HSPA4L: variants seen among roughly 807,000 people sequenced by gnomAD.
HSPA4L encodes heat shock protein family A (Hsp70) member 4 like, also known as heat shock 70 kDa protein 4L.
HSPA4L carries 48 observed loss-of-function variants against 100.3 expected under a neutral mutation model. That is an observed-to-expected ratio of 0.48 (90% CI 0.38 to 0.61). The LOEUF is 0.61. HSPA4L is among the 20% of genes least tolerant of loss of function. The pLI is 0.00. For synonymous variants in HSPA4L, 319 were observed against 328.2 expected (o/e 0.97, Z 0.30); for missense variants, 886 against 988.6 (o/e 0.90, Z 1.39).
Position 127,833,938 on chromosome 4 carries a change from G to C in HSPA4L, c.*1064G>C, listed in dbSNP as rs988323698. 9 of 152,192 alleles carry C rather than the reference G, an allele frequency of 5.9e-5. No homozygotes were observed. Among genetic ancestry groups the C allele is most frequent in the African/African-American group, 2.2e-4 (9 of 41,550 alleles). The allele number at this position is 152,192 out of a possible 1,614,324, so 9.4% of individuals were successfully genotyped here. A position where few individuals can be genotyped will look rare whatever the true frequency, so the allele number is the denominator to read the frequency against. Reference sequence around the variant, plus strand: ...AACTTAACTATGTTACATATCAACAGGCAAAAATATAGAATGTTACATAGT... The same window carrying C: ...AACTTAACTATGTTACATATCAACACGCAAAAATATAGAATGTTACATAGT... On this transcript the variant is annotated 3_prime_UTR_variant, in exon 19 of 19. Coordinates refer to ENST00000296464, the MANE Select transcript of HSPA4L (RefSeq NM_014278.4).
At chr4:127,807,903 C>A in intron 10 of HSPA4L, 93 bp from the exon 11 acceptor site, 2 of 1,251,486 alleles carry the variant, frequency 1.6e-6, no homozygotes, top group South Asian at 1.4e-5. Context: ...TTTGCAGTTG[C>A]TGCTAATGAA....
intron 17 of HSPA4L, 90 bp downstream of exon 17, chr4:127,827,514 T>C: frequency 2.8e-6 from 4 of 1,413,446 alleles, no homozygotes; most frequent in Non-Finnish European, 3.9e-6. Flanking sequence ...TACAAAGCTA[T>C]AGCAGTTGTA....
rs752754983 is a variant in HSPA4L, at chr4:127,823,538, G to A, written c.1960G>A (p.Val654Ile). 8.7e-6 allele frequency: 14 copies of A among 1,611,014 alleles called. No individual in the cohort carries two copies. The highest frequency in any genetic ancestry group is 1.0e-5 in the Non-Finnish European group (12 of 1,177,276). The change falls in exon 16 of 19, where the codon GTA becomes ATA. Residue 654 changes from valine (V) to isoleucine (I), a missense_variant. By Grantham distance (29) the Val-to-Ile change is conservative (BLOSUM62 3). Coordinates refer to ENST00000296464, the MANE Select transcript of HSPA4L (RefSeq NM_014278.4). ...CTAGGACTTGAGTAAACTGTCTGCA[G>A]TATTGGAAGACACAGAAAATTGGCT... ...TPEDLSKLSA[V>I]LEDTENWLYE...
rs1734161523 is a variant in HSPA4L, at chr4:127,834,537, T to G, written c.*1663T>G. The G allele has an allele frequency of 6.6e-6, 1 of 152,192 alleles. No individual in the cohort carries two copies. Among genetic ancestry groups the G allele is most frequent in the Non-Finnish European group, 1.5e-5 (1 of 68,004 alleles). 9.4% of individuals were successfully genotyped at this position (152,192 alleles called of 1,614,324 possible). On this transcript the variant is annotated 3_prime_UTR_variant, in exon 19 of 19. Coordinates refer to ENST00000296464, the MANE Select transcript of HSPA4L (RefSeq NM_014278.4). Reference sequence around the variant, plus strand: ...AAAAAATCATATAAACTTAATATATTTTTAAACTCTCCTAGTCTTTAAACT... The same window carrying G: ...AAAAAATCATATAAACTTAATATATGTTTAAACTCTCCTAGTCTTTAAACT...
intron 3 of HSPA4L, among the ~76,000 whole-genome samples, chr4:127,797,720 A>G (rs1043609296): frequency 1.3e-5 from 2 of 151,448 alleles, no homozygotes; most frequent in African/African-American, 4.9e-5. Context: ...TCCAGCCTCA[A>G]CCTCCCAAGT....
At chr4:127,814,689 T>G (rs1733626985) in intron 12 of HSPA4L, among the ~76,000 whole-genome samples, 1 of 152,124 alleles carries the variant, frequency 6.6e-6, no homozygotes, top group South Asian at 2.1e-4. Flanking sequence ...TGCCTCAGCC[T>G]TCTAGTAGCT....
chr4:127,815,335 G>C (rs1183687452), intron 12 of HSPA4L, among the ~76,000 whole-genome samples: 1 of 151,932 alleles, frequency 6.6e-6, no homozygotes, highest in African/African-American at 2.4e-5. Flanking sequence ...ACCACATCAA[G>C]CCCTGAATAC....
intron 12 of HSPA4L, chr4:127,813,376 A>T (rs1733592616): frequency 7.3e-6 from 4 of 548,998 alleles, no homozygotes; most frequent in Non-Finnish European, 1.3e-5. Context: ...TACTTCATTT[A>T]AGGACTGTGG....
intron 3 of HSPA4L, among the ~76,000 whole-genome samples, chr4:127,797,673 C>T (rs1578695838): frequency 1.3e-5 from 2 of 149,256 alleles, no homozygotes; most frequent in South Asian, 4.2e-4. Context: ...GCAATCTCGG[C>T]TCACTGCAAG....
intron 12 of HSPA4L, among the ~76,000 whole-genome samples, chr4:127,815,536 C>T (rs755955212): frequency 9.2e-5 from 14 of 152,052 alleles, no homozygotes; most frequent in South Asian, 2.1e-4. Flanking sequence ...ATCACAAAAC[C>T]CAGGGATCAA....
chr4:127,795,089 A>C (rs915861318), intron 2 of HSPA4L, among the ~76,000 whole-genome samples: 1 of 152,116 alleles, frequency 6.6e-6, no homozygotes, highest in Admixed American at 6.5e-5. Flanking sequence ...ATGGTAGTAC[A>C]TGAAGATTTT....
At chr4:127,802,323 G>A (rs567551196) in intron 6 of HSPA4L, among the ~76,000 whole-genome samples, 4 of 152,164 alleles carry the variant, frequency 2.6e-5, no homozygotes, top group South Asian at 2.1e-4. Context: ...CGTTCTAATC[G>A]TAATTTTACT....
At chr4:127,807,187 A>T in intron 10 of HSPA4L, among the ~76,000 whole-genome samples, 1 of 152,138 alleles carries the variant, frequency 6.6e-6, no homozygotes, top group South Asian at 2.1e-4. Flanking sequence ...TTCCATACTT[A>T]TAGTAATAGG....
chr4:127,830,518 A>T (rs1734051454), intron 17 of HSPA4L, 120 bp from the exon 18 acceptor site: 2 of 652,518 alleles, frequency 3.1e-6, no homozygotes, highest in Non-Finnish European at 4.9e-6. Flanking sequence ...GTTTCTTCAG[A>T]TGAGTACATT....
intron 18 of HSPA4L, among the ~76,000 whole-genome samples, chr4:127,831,444 T>C (rs1403245678): frequency 6.9e-6 from 1 of 144,992 alleles, no homozygotes; most frequent in Non-Finnish European, 1.5e-5. Context: ...GAGGCAGTAG[T>C]GAGCTACAGT....
intron 16 of HSPA4L, 137 bp from the exon 17 acceptor site, chr4:127,827,168 C>T (rs1312510883): frequency 1.5e-6 from 1 of 653,150 alleles, no homozygotes; most frequent in Non-Finnish European, 2.6e-6. Flanking sequence ...TAACTTGCTT[C>T]CATACAGGAA....
In HSPA4L at chr4:127,798,781, TTTC is replaced by T. The variant is rs1733094710; in HGVS notation, c.429+76_429+78del. On this transcript the variant is annotated intron_variant, in intron 4 of 18. Coordinates refer to ENST00000296464, the MANE Select transcript of HSPA4L (RefSeq NM_014278.4). ...TGTATTAATGTAATATTGAAAGATT[TTTC>T]TTCCCTTACACTTTCTGCCCTTATC... 8 of 1,437,946 alleles carry T rather than the reference TTTC, an allele frequency of 5.6e-6. No homozygotes were observed. The South Asian group carries it at 9.2e-5, about 17-fold the overall frequency. 89.1% of individuals were successfully genotyped at this position (1,437,946 alleles called of 1,614,324 possible).
chr4:127,805,638 G>T (rs780440502), intron 9 of HSPA4L, 49 bp from the exon 10 acceptor site: 2 of 1,330,364 alleles, frequency 1.5e-6, no homozygotes, highest in South Asian at 2.4e-5. Context: ...GTAACCTAGG[G>T]TATGTTTTGT....
At chr4:127,822,481 A>C (rs1028949174) in intron 14 of HSPA4L, among the ~76,000 whole-genome samples, 2 of 152,154 alleles carry the variant, frequency 1.3e-5, no homozygotes, top group African/African-American at 4.8e-5. Flanking sequence ...TGACATACAA[A>C]TATCTGTTCA....
Sources: gnomAD v4.1 joint callset for allele counts (sites outside exome capture counted in the v4.1 genomes callset) on GRCh38, gnomAD v4.1.1 for gene constraint, MANE v1.5 for transcripts, NCBI Gene and HGNC (gene_info 2026-07-23, HGNC 2026-07-21) for gene names.